The following ATP6V0A4 variants were observed in gnomAD, a reference collection of about 807,000 sequenced individuals.
ATP6V0A4 encodes the protein V-type proton ATPase 116 kDa subunit a 4.
Under a neutral mutation model 107.3 loss-of-function variants are expected in ATP6V0A4, and 86 were observed. The observed-to-expected ratio is 0.80, with a 90% CI of 0.67 to 0.96. The LOEUF is 0.96. Among genes scored for constraint, ATP6V0A4 ranks in the 40% least tolerant of loss-of-function variants. ATP6V0A4 has a pLI of 0.00. For missense variants in ATP6V0A4, 908 were observed against 1,045.6 expected, an observed-to-expected ratio of 0.87 and a Z score of 1.81; for synonymous variants, 353 against 381.4, an observed-to-expected ratio of 0.93 and a Z score of 0.87.
intron 16 of ATP6V0A4, 167 bp from the exon 17 acceptor site, chr7:138,733,260 G>T: frequency 3.2e-6 from 2 of 630,500 alleles, no homozygotes; most frequent in Non-Finnish European, 3.8e-6. Flanking sequence ...AATCCTGTAT[G>T]GATGCATAGA....
intron 17 of ATP6V0A4, among the ~76,000 whole-genome samples, chr7:138,730,961 T>C (rs1804981589): frequency 7.0e-6 from 1 of 143,486 alleles, no homozygotes; most frequent in Non-Finnish European, 1.5e-5. Flanking sequence ...GAGACAGAGT[T>C]TTGCTCTTGT....
At chr7:138,711,075 G>T (rs866619292) in intron 20 of ATP6V0A4, among the ~76,000 whole-genome samples, 1 of 151,624 alleles carries the variant, frequency 6.6e-6, no homozygotes, top group Non-Finnish European at 1.5e-5. Context: ...TGACACCACC[G>T]TCCCCCCACC....
In ATP6V0A4 at chr7:138,718,622, G is replaced by T. The variant is rs145544318; in HGVS notation, c.2140-2741C>A. On this transcript the variant is annotated intron_variant, in intron 19 of 21. Coordinates refer to ENST00000310018, the MANE Select transcript of ATP6V0A4 (RefSeq NM_020632.3). ...AATGGGGAGGAATGGGGAGGAATGG[G>T]GAGGTGCCGCCACGGATGTCTGCGG... is the stretch of plus-strand genomic sequence containing the variant. 4.1e-5 allele frequency among the ~76,000 whole-genome samples: 5 copies of T among 121,198 alleles called. No individual in the cohort carries two copies. In the East Asian group the frequency reaches 1.4e-3, roughly 33 times the overall value. 79.5% of individuals were successfully genotyped at this position (121,198 alleles called of 152,430 possible).
At chr7:138,752,477 G>T in intron 11 of ATP6V0A4, 148 bp downstream of exon 11, 1 of 981,630 alleles carries the variant, frequency 1.0e-6, no homozygotes, top group Non-Finnish European at 1.5e-6. Context: ...GTCCTCGAGT[G>T]GGGTTGATAA....
At chr7:138,749,840 G>A (rs1398836242) in intron 11 of ATP6V0A4, among the ~76,000 whole-genome samples, 2 of 152,052 alleles carry the variant, frequency 1.3e-5, no homozygotes, top group Admixed American at 6.6e-5. Context: ...CTAGAATCTT[G>A]GAATCATGGA....
chr7:138,747,454 G>A lies in ATP6V0A4; in HGVS notation c.1291C>T (p.Arg431Cys), dbSNP rs370116072. The change falls in exon 13 of 22, where the codon CGC becomes TGC. Residue 431 changes from arginine (R) to cysteine (C), a missense_variant. By Grantham distance (180) the Arg-to-Cys change is radical. Coordinates refer to ENST00000310018, the MANE Select transcript of ATP6V0A4 (RefSeq NM_020632.3). ...TTGTCTGTCTTCTGGGAGAGCAAGCGTCTCTCATTCAGAATCATCCAAAGT... is the reference window on the plus strand; with the variant it reads ...TTGTCTGTCTTCTGGGAGAGCAAGCATCTCTCATTCAGAATCATCCAAAGT... The part of the protein sequence containing the change: ...AALWMILNER[R>C]LLSQKTDNEI... 1.5e-5 allele frequency: 24 copies of A among 1,613,994 alleles called. 1 individual carries two copies. In the Middle Eastern group the frequency reaches 4.9e-4, roughly 33 times the overall value.
chr7:138,743,104 G>A (rs570617105), intron 14 of ATP6V0A4, among the ~76,000 whole-genome samples: 1 of 152,172 alleles, frequency 6.6e-6, no homozygotes, highest in Admixed American at 6.5e-5. Flanking sequence ...ACAGTCTCTT[G>A]GAGCCTCTCT....
intron 14 of ATP6V0A4, 81 bp downstream of exon 14, chr7:138,745,042 G>A: frequency 7.6e-7 from 1 of 1,309,148 alleles, no homozygotes; most frequent in Non-Finnish European, 1.1e-6. Context: ...AGACCTAGGT[G>A]TAGACTCCCC....
At chr7:138,792,778 GTTGTTTTGT>G (rs1808483609) in intron 1 of ATP6V0A4, among the ~76,000 whole-genome samples, 1 of 48,018 alleles carries the variant, frequency 2.1e-5, no homozygotes, top group Non-Finnish European at 4.2e-5. Flanking sequence ...TTTTTTTTTT[GTTGTTTTGT>G]TTTTTTTTTT....
intron 18 of ATP6V0A4, among the ~76,000 whole-genome samples, chr7:138,727,683 A>G (rs374759576): frequency 1.3e-5 from 2 of 152,188 alleles, no homozygotes; most frequent in Non-Finnish European, 2.9e-5. Context: ...ATAGAATTTA[A>G]TCTGAACATA....
At chr7:138,749,917 T>G (rs2117283946) in intron 11 of ATP6V0A4, among the ~76,000 whole-genome samples, 1 of 152,242 alleles carries the variant, frequency 6.6e-6, no homozygotes, top group South Asian at 2.1e-4. Context: ...TTTCGGAATC[T>G]TTCCTCCGAT....
intron 2 of ATP6V0A4, among the ~76,000 whole-genome samples, chr7:138,780,385 G>C (rs533612854): frequency 9.9e-5 from 15 of 152,266 alleles, no homozygotes; most frequent in African/African-American, 3.6e-4. Context: ...GACAGGAGGT[G>C]GAGGCTCAGG....
chr7:138,716,331 A>G (rs1257664998), intron 19 of ATP6V0A4, among the ~76,000 whole-genome samples: 1 of 152,200 alleles, frequency 6.6e-6, no homozygotes, highest in Non-Finnish European at 1.5e-5. Flanking sequence ...TCCTGTGTGG[A>G]AGTTTCTAGA....
At position 138,745,978 on chromosome 7, in the gene ATP6V0A4, T is replaced by TATAA. The variant is rs1367872235; in HGVS notation, c.1321-699_1321-698insTTAT. Among the ~76,000 whole-genome samples, 657 of 122,744 alleles carry TATAA rather than the reference T, an allele frequency of 5.4e-3. 20 individuals are homozygous for TATAA. Among genetic ancestry groups the TATAA allele is most frequent in the African/African-American group, 0.02 (629 of 30,896 alleles). The allele number at this position is 122,744 out of a possible 152,430, so 80.5% of individuals were successfully genotyped here. On this transcript the variant is annotated intron_variant, in intron 13 of 21. Transcript: ENST00000310018. ...AAAAAAAAAAATATATATATATATATAAAATATATATTATAAATATAAATA... is the reference window on the plus strand; with the variant it reads ...AAAAAAAAAAATATATATATATATATATAAAAAATATATATTATAAATATAAATA...
At chr7:138,767,297 C>T (rs1005337124) in intron 5 of ATP6V0A4, among the ~76,000 whole-genome samples, 7 of 152,206 alleles carry the variant, frequency 4.6e-5, no homozygotes, top group East Asian at 1.9e-4. Flanking sequence ...CCAAGGTGGG[C>T]GGATCACCTG....
At chr7:138,731,089 A>G (rs1186156343) in intron 17 of ATP6V0A4, among the ~76,000 whole-genome samples, 1 of 151,916 alleles carries the variant, frequency 6.6e-6, no homozygotes, top group Admixed American at 6.6e-5. Context: ...ACCTGCCACC[A>G]TGCCCAGCTA....
Position 138,706,491 on chromosome 7 carries a change from A to G in ATP6V0A4, c.*133T>C. 1 of 1,119,514 alleles carries G rather than the reference A, an allele frequency of 8.9e-7. No individual in the cohort carries two copies. Among genetic ancestry groups the G allele is most frequent in the Non-Finnish European group, 1.3e-6 (1 of 766,822 alleles). The allele number at this position is 1,119,514 out of a possible 1,614,324, so 69.3% of individuals were successfully genotyped here. The stretch of plus-strand genomic sequence containing the variant: ...CAAATCCACAGGCTGACGTCCAAAT[A>G]ATACACAGTTTCATGCTTCAGGTGA... On this transcript the variant is annotated 3_prime_UTR_variant, in exon 22 of 22. Coordinates refer to ENST00000310018, the MANE Select transcript of ATP6V0A4 (RefSeq NM_020632.3).
intron 11 of ATP6V0A4, 119 bp from the exon 12 acceptor site, chr7:138,749,436 C>A: frequency 8.9e-7 from 1 of 1,129,446 alleles, no homozygotes. Flanking sequence ...GGGGCAATCT[C>A]TTGATCTCTC....
intron 1 of ATP6V0A4, among the ~76,000 whole-genome samples, chr7:138,786,855 T>G (rs1808200460): frequency 6.6e-6 from 1 of 152,106 alleles, no homozygotes; most frequent in Non-Finnish European, 1.5e-5. Flanking sequence ...ATAATAATAT[T>G]TACTCCCAAT....
Sources: allele counts gnomAD v4.1 joint callset (sites outside exome capture counted in the v4.1 genomes callset), GRCh38; gene constraint gnomAD v4.1.1; transcripts MANE v1.5; gene names NCBI Gene and HGNC (gene_info 2026-07-23, HGNC 2026-07-21).